Variants in ZNF536 observed in about 807,000 individuals in gnomAD.
ZNF536 encodes the protein zinc finger protein 536.
ZNF536 carries 13 observed loss-of-function variants against 84.5 expected under a neutral mutation model. The observed-to-expected ratio is 0.15, with a 90% confidence interval of 0.10 to 0.24. ZNF536 has a LOEUF of 0.24. Ranked by LOEUF, ZNF536 falls within the 10% of genes least tolerant of loss-of-function variation. ZNF536 has a pLI of 1.00. For synonymous variants in ZNF536, 811 were observed against 742.5 expected (o/e 1.09, Z -1.50); for missense variants, 1,536 against 1,747.5 (o/e 0.88, Z 2.16).
intron 1 of ZNF536, among the ~76,000 whole-genome samples, chr19:30,587,429 A>G (rs2047132484): frequency 6.6e-6 from 1 of 152,196 alleles, no homozygotes; most frequent in Non-Finnish European, 1.5e-5. Context: ...TCTCCGAGCC[A>G]CTTAATTATG....
rs762293077 is a variant in ZNF536 at position 30,443,923 on chromosome 19, G to A, written c.361G>A (p.Glu121Lys). The A allele has an allele frequency of 3.1e-6, 5 of 1,613,666 alleles. No individual in the cohort carries two copies. The South Asian group carries it at 4.4e-5, about 14-fold the overall frequency. ...LGIMSQMSDI[E>K]DDARKNRKYP... Reference sequence around the variant, plus strand: ...CATCATGTCCCAGATGAGCGACATCGAGGACGACGCCCGCAAGAACCGCAA... The same window carrying A: ...CATCATGTCCCAGATGAGCGACATCAAGGACGACGCCCGCAAGAACCGCAA... Residue 121 changes from glutamate to lysine, a missense_variant, in exon 2 of 5, where the codon GAG becomes AAG. Glu to Lys is a moderately conservative substitution (Grantham distance 56). Coordinates refer to ENST00000355537, the MANE Select transcript of ZNF536 (RefSeq NM_014717.3).
At chr19:30,282,388 G>A (rs796657144) in intron 1 of ZNF536, among the ~76,000 whole-genome samples, 2 of 147,966 alleles carry the variant, frequency 1.4e-5, no homozygotes, top group African/African-American at 4.8e-5. Context: ...TGAGGGGTTT[G>A]TGCCCATCAC....
chr19:30,351,835 C>T (rs550943989), intron 2 of ZNF536, among the ~76,000 whole-genome samples: 3 of 152,266 alleles, frequency 2.0e-5, no homozygotes, highest in East Asian at 3.9e-4. Context: ...TAAGTTTGAA[C>T]AAAAAAGTGC....
At chr19:30,571,596 C>G (rs929091327) in intron 1 of ZNF536, among the ~76,000 whole-genome samples, 7 of 152,130 alleles carry the variant, frequency 4.6e-5, no homozygotes, top group Admixed American at 1.3e-4. Flanking sequence ...CAGTCCATGC[C>G]CCCTTCTTGG....
At chr19:30,674,513 A>G (rs1212010079) in intron 1 of ZNF536, among the ~76,000 whole-genome samples, 1 of 152,204 alleles carries the variant, frequency 6.6e-6, no homozygotes, top group Non-Finnish European at 1.5e-5. Context: ...CTGATGGAGT[A>G]TTGGGAAGGG....
At chr19:30,452,421 G>A (rs768288478) in intron 2 of ZNF536, among the ~76,000 whole-genome samples, 2 of 152,178 alleles carry the variant, frequency 1.3e-5, no homozygotes, top group Admixed American at 6.5e-5. Context: ...CATTTCCCAC[G>A]TCTGCCCCTT....
Position 30,228,654 on chromosome 19 carries a change from C to A in ZNF536, c.-209C>A, listed in dbSNP as rs2022765865. ...CAAGTGAAAACCGCGACGATCTGCA[C>A]ACTCAAAAGCAAGTGCCAAGTAAGT... On this transcript the variant is annotated 5_prime_UTR_variant, in exon 1 of 6. Coordinates refer to the ZNF536 transcript ENST00000585628. The surrounding 1 kb of genome is among the most constrained non-coding windows in gnomAD (Gnocchi z 4.5). The A allele has an allele frequency of 6.6e-6, 1 of 151,838 alleles. No homozygotes were observed. Among genetic ancestry groups the A allele is most frequent in the Admixed American group, 6.6e-5 (1 of 15,266 alleles). The allele number at this position is 151,838 out of a possible 1,614,324, so 9.4% of individuals were successfully genotyped here.
intron 4 of ZNF536, 82 bp downstream of exon 4, chr19:30,549,596 T>G: frequency 7.2e-7 from 1 of 1,389,688 alleles, no homozygotes; most frequent in Non-Finnish European, 9.4e-7. Flanking sequence ...TGAGGTAGAC[T>G]TATCCATGAG....
At chr19:30,710,601 C>T (rs1004477196) in intron 1 of ZNF536, among the ~76,000 whole-genome samples, 26 of 152,152 alleles carry the variant, frequency 1.7e-4, no homozygotes, top group African/African-American at 5.6e-4. Flanking sequence ...GCTTATGTGC[C>T]TGATGTATCG....
chr19:30,226,994 A>G (rs2022650300), upstream of ZNF536, among the ~76,000 whole-genome samples: 1 of 151,972 alleles, frequency 6.6e-6, no homozygotes, highest in Non-Finnish European at 1.5e-5. The surrounding 1 kb of genome is among the most constrained non-coding windows in gnomAD (Gnocchi z 4.6). Context: ...GGCAAAAAAA[A>G]AAAAGTTAGG....
intron 1 of ZNF536, among the ~76,000 whole-genome samples, chr19:30,418,758 G>T (rs995443101): frequency 6.6e-6 from 1 of 152,092 alleles, no homozygotes; most frequent in African/African-American, 2.4e-5. Flanking sequence ...ACCTCTGGGA[G>T]TCATTTTCTT....
chr19:30,392,055 C>T (rs139531417), intron 1 of ZNF536, among the ~76,000 whole-genome samples: 52 of 152,258 alleles, frequency 3.4e-4, no homozygotes, highest in Middle Eastern at 6.8e-3. Context: ...TTGCGGTTCT[C>T]GGATGTCCGG....
intron 2 of ZNF536, among the ~76,000 whole-genome samples, chr19:30,488,569 A>G (rs1381388053): frequency 6.6e-6 from 1 of 151,806 alleles, no homozygotes; most frequent in Non-Finnish European, 1.5e-5. Flanking sequence ...TTTAATTAAA[A>G]AAAAAAAACA....
rs2045698284 is a variant in ZNF536 at position 30,549,624 on chromosome 19, A to G, written c.3895+110A>G. 4.6e-6 allele frequency: 6 copies of G among 1,298,788 alleles called. No individual in the cohort carries two copies. The South Asian group carries it at 1.1e-4, about 24-fold the overall frequency. The allele number at this position is 1,298,788 out of a possible 1,614,324, so 80.5% of individuals were successfully genotyped here. ...TCCATGAGCAACTTTTGAATGAAAT[A>G]TTTGAAAAAACCCTCAATGCTGTAT... On this transcript the variant is annotated intron_variant, in intron 4 of 4. Transcript: ENST00000355537.
chr19:30,676,349 G>A (rs979227496), intron 1 of ZNF536, among the ~76,000 whole-genome samples: 6 of 152,192 alleles, frequency 3.9e-5, no homozygotes, highest in Non-Finnish European at 7.3e-5. Flanking sequence ...CTGTGAATGT[G>A]TAAAGAAGAT....
downstream of ZNF536, among the ~76,000 whole-genome samples, chr19:30,560,274 A>G (rs910179523): frequency 3.3e-5 from 5 of 151,208 alleles, no homozygotes; most frequent in African/African-American, 4.9e-5. Context: ...CAAGCCCACC[A>G]TCCCCATATA....
intron 3 of ZNF536, among the ~76,000 whole-genome samples, chr19:30,537,759 C>T (rs10518269): frequency 0.18 from 27,533 of 152,116 alleles, 3,006 homozygotes; most frequent in African/African-American, 0.29. Context: ...GAATACTCTT[C>T]GGAGACATTG....
chr19:30,466,221 TA>T (rs949640153), intron 2 of ZNF536, among the ~76,000 whole-genome samples: 25 of 146,996 alleles, frequency 1.7e-4, no homozygotes, highest in South Asian at 1.3e-3. Flanking sequence ...AGACCCTGTC[TA>T]AAAAAAAAAT....
intron 1 of ZNF536, among the ~76,000 whole-genome samples, chr19:30,649,723 T>A (rs1173175231): frequency 6.6e-6 from 1 of 151,934 alleles, no homozygotes; most frequent in Non-Finnish European, 1.5e-5. Context: ...AGCCCGAGAG[T>A]CATCCTAACC....
Sources: allele counts gnomAD v4.1 joint callset (sites outside exome capture counted in the v4.1 genomes callset), GRCh38; gene constraint gnomAD v4.1.1; non-coding constraint Gnocchi (gnomAD v3.1); transcripts MANE v1.5; gene names NCBI Gene and HGNC (gene_info 2026-07-23, HGNC 2026-07-21).